The following ZNF624 variants were observed in gnomAD, a reference collection of about 807,000 sequenced individuals.
The protein encoded by ZNF624 is zinc finger protein 624.
Under a neutral mutation model 74.7 loss-of-function variants are expected in ZNF624, and 43 were observed. The observed-to-expected ratio is 0.58, with a 90% CI of 0.45 to 0.74. ZNF624 has a LOEUF of 0.74. Ranked by LOEUF, ZNF624 falls within the 30% of genes least tolerant of loss-of-function variation. The pLI, the probability that ZNF624 is intolerant of heterozygous loss-of-function variation, is 0.00. For missense variants in ZNF624, 820 were observed against 1,030.0 expected, an observed-to-expected ratio of 0.80 and a Z score of 2.79; for synonymous variants, 331 against 341.3, an observed-to-expected ratio of 0.97 and a Z score of 0.33.
At position 16,622,729 on chromosome 17, in the gene ZNF624, A is replaced by G. The variant is rs754675367; in HGVS notation, c.2157T>C (p.Thr719=). 1.5e-5 allele frequency: 24 copies of G among 1,613,714 alleles called. No homozygotes were observed. The highest frequency in any genetic ancestry group is 1.9e-5 in the Non-Finnish European group (23 of 1,179,940). The stretch of plus-strand genomic sequence containing the variant: ...CATTACATTTAAATGGTTTCTCTCC[A>G]GTATGTGTTCTTTGATGTGTATTAA... ...SGFNTHQRTH[T]GEKPFKCNDC... is the part of the protein sequence containing the mutation. The change falls in exon 6 of 6, where the codon ACT becomes ACC. Residue 719 remains threonine, a synonymous_variant. Transcript: ENST00000311331.
chr17:16,646,021 AAATT>A (rs1302171213), intron 3 of ZNF624, among the ~76,000 whole-genome samples: 2 of 151,944 alleles, frequency 1.3e-5, no homozygotes, highest in East Asian at 1.9e-4. Flanking sequence ...CAATTAAATT[AAATT>A]AATAACTTAT....
chr17:16,648,994 T>G (rs1909657190), intron 2 of ZNF624, among the ~76,000 whole-genome samples: 1 of 152,234 alleles, frequency 6.6e-6, no homozygotes, highest in Non-Finnish European at 1.5e-5. Context: ...ACTATCCTTA[T>G]GAACTTTCTA....
chr17:16,646,902 C>A (rs920701142), intron 3 of ZNF624, among the ~76,000 whole-genome samples: 4 of 152,128 alleles, frequency 2.6e-5, no homozygotes, highest in African/African-American at 9.7e-5. Flanking sequence ...TTTCTTATCA[C>A]AACAAATTTC....
rs778480037 is a variant in ZNF624, at chr17:16,622,946, T to C, written c.1940A>G (p.Lys647Arg). Reference protein sequence around the residue: ...VKPYKCYDCGKSFRTKSYLIV... With the variant: ...VKPYKCYDCGRSFRTKSYLIV... Reference sequence around the variant, plus strand: ...AAGGTATGATTTAGTCCTAAAGGACTTTCCACAGTCATAACATTTATAGGG... The same window carrying C: ...AAGGTATGATTTAGTCCTAAAGGACCTTCCACAGTCATAACATTTATAGGG... The change falls in exon 6 of 6, where the codon AAG (lysine) becomes AGG (arginine). Residue 647 changes from lysine to arginine, a missense_variant. Transcript: ENST00000311331. The C allele has an allele frequency of 1.2e-6, 2 of 1,614,104 alleles. No homozygotes were observed. Among genetic ancestry groups the C allele is most frequent in the South Asian group, 2.2e-5 (2 of 91,078 alleles).
chr17:16,648,334 T>C (rs1909642636), intron 2 of ZNF624, among the ~76,000 whole-genome samples: 1 of 138,344 alleles, frequency 7.2e-6, no homozygotes, highest in Admixed American at 6.9e-5. Flanking sequence ...TTTAAAAAAA[T>C]TATGGATAAT....
downstream of ZNF624, among the ~76,000 whole-genome samples, chr17:16,619,191 T>C (rs1448825073): frequency 1.3e-5 from 2 of 152,176 alleles, no homozygotes; most frequent in Admixed American, 1.3e-4. Flanking sequence ...GTATGAAAAA[T>C]ATTTTGACCT....
chr17:16,617,616 C>T (rs182185514), downstream of ZNF624: 21 of 1,599,050 alleles, frequency 1.3e-5, no homozygotes, highest in African/African-American at 2.8e-4. Flanking sequence ...GCTGTATCCA[C>T]CTCCACCACG....
At chr17:16,617,308 G>A, downstream of ZNF624, 1 of 1,613,802 alleles carries the variant, frequency 6.2e-7, no homozygotes, top group Non-Finnish European at 8.5e-7. Context: ...TCTGCTTCCA[G>A]AGTAAGATCG....
chr17:16,615,966 T>C (rs1198879739), downstream of ZNF624, among the ~76,000 whole-genome samples: 14 of 59,940 alleles, frequency 2.3e-4, no homozygotes, highest in South Asian at 5.0e-3. Context: ...CATATATATA[T>C]ATATATATAT....
chr17:16,634,631 C>T lies in ZNF624; in HGVS notation c.279G>A (p.Leu93=), dbSNP rs772678756. ...ACACAGAAGAGAAGTTATCCTTACC[C>T]AGGGAGACCAGATTCCTGTAATTCT... ...MLENYRNLVS[L]GLAVSKPDMI... is the part of the protein sequence containing the mutation. The change falls in exon 4 of 6, where the codon CTG becomes CTA. Residue 93 remains leucine, a splice_region_variant and synonymous_variant. Coordinates refer to ENST00000311331, the MANE Select transcript of ZNF624 (RefSeq NM_020787.4). 6 of 1,612,472 alleles carry T rather than the reference C, an allele frequency of 3.7e-6. No individual in the cohort carries two copies. Among genetic ancestry groups the T allele is most frequent in the Admixed American group, 1.7e-5 (1 of 59,864 alleles).
rs1909266292 is a variant in ZNF624 at position 16,633,967 on chromosome 17, G to GAAAAAT, written c.281-16_281-11dup. The GAAAAAT allele has an allele frequency of 6.2e-7, 1 of 1,608,762 alleles. No individual in the cohort carries two copies. Among genetic ancestry groups the GAAAAAT allele is most frequent in the South Asian group, 1.1e-5 (1 of 90,898 alleles). On this transcript the variant is annotated splice_polypyrimidine_tract_variant and intron_variant, in intron 4 of 5. Coordinates refer to ENST00000311331, the MANE Select transcript of ZNF624 (RefSeq NM_020787.4). Reference sequence around the variant, plus strand: ...TTGGAAACTGCAAGCCCTGTCCAGAGAAAAATAAATAGGATTTGATTGGAG... The same window carrying GAAAAAT: ...TTGGAAACTGCAAGCCCTGTCCAGAGAAAAATAAAAATAAATAGGATTTGATTGGAG...
At chr17:16,646,460 A>G (rs1909594590) in intron 3 of ZNF624, among the ~76,000 whole-genome samples, 3 of 152,378 alleles carry the variant, frequency 2.0e-5, no homozygotes, top group Admixed American at 2.0e-4. Flanking sequence ...ACTTAAAAAC[A>G]TAATTCTTCT....
chr17:16,649,731 T>G lies in ZNF624; in HGVS notation c.14A>C (p.Asp5Ala). Residue 5 changes from aspartate (D) to alanine (A), a missense_variant, in exon 2 of 6, where the codon GAC becomes GCC. Transcript: ENST00000311331. ...TTTCCCCTCTCTGGAAAGAGTGGAG[T>G]CTTGCAAAGACATACCTAAGGAAGA... is the stretch of plus-strand genomic sequence containing the variant. The part of the protein sequence containing the change: MSLQ[D>A]STLSREGKPE... 1.2e-6 allele frequency: 2 copies of G among 1,612,758 alleles called. No individual in the cohort carries two copies. Among genetic ancestry groups the G allele is most frequent in the Non-Finnish European group, 1.7e-6 (2 of 1,179,452 alleles).
At chr17:16,645,518 G>C (rs1909567620) in intron 3 of ZNF624, among the ~76,000 whole-genome samples, 1 of 151,530 alleles carries the variant, frequency 6.6e-6, no homozygotes, top group African/African-American at 2.4e-5. Context: ...CATGCAATAA[G>C]AGTTCTTCAT....
At chr17:16,615,465 C>A in the ZNF624 span, among the ~76,000 whole-genome samples, 2 of 152,118 alleles carry the variant, frequency 1.3e-5, no homozygotes, top group African/African-American at 4.8e-5. Context: ...CTTAATGGCA[C>A]TGAACTGTAC....
At chr17:16,637,159 T>C (rs1428771688) in intron 3 of ZNF624, among the ~76,000 whole-genome samples, 1 of 152,100 alleles carries the variant, frequency 6.6e-6, no homozygotes, top group African/African-American at 2.4e-5. Context: ...GAATCCAACT[T>C]ACAAGGGATG....
chr17:16,648,286 C>G (rs758025066), intron 2 of ZNF624, among the ~76,000 whole-genome samples: 1 of 152,150 alleles, frequency 6.6e-6, no homozygotes, highest in African/African-American at 2.4e-5. Flanking sequence ...TTTTACTTTA[C>G]CTTCTAGTTG....
At position 16,633,855 on chromosome 17, in the gene ZNF624, A is replaced by C. The variant is rs775391363; in HGVS notation, c.376+7T>G. The stretch of plus-strand genomic sequence containing the variant: ...AAATCCCATCTTCTTGGTTCTGTTT[A>C]ACTCACCAGGATAGGGAATTCTTGA... On this transcript the variant is annotated splice_region_variant and intron_variant, in intron 5 of 5. Transcript: ENST00000311331. 2 of 1,607,306 alleles carry C rather than the reference A, an allele frequency of 1.2e-6. No individual in the cohort carries two copies.
intron 1 of ZNF624, among the ~76,000 whole-genome samples, chr17:16,651,551 G>A (rs1909724693): frequency 6.6e-6 from 1 of 152,068 alleles, no homozygotes; most frequent in African/African-American, 2.4e-5. Context: ...AGTTGAGGGA[G>A]GAAAGCGGTA....
Sources: gnomAD v4.1 joint callset for allele counts (sites outside exome capture counted in the v4.1 genomes callset) on GRCh38, gnomAD v4.1.1 for gene constraint, MANE v1.5 for transcripts, NCBI Gene and HGNC (gene_info 2026-07-23, HGNC 2026-07-21) for gene names.